Variants in CTNNBIP1 observed in about 807,000 individuals in gnomAD.
The protein encoded by CTNNBIP1 is beta-catenin-interacting protein 1.
CTNNBIP1 carries 7 observed loss-of-function variants against 11.8 expected under a neutral mutation model. The observed-to-expected ratio is 0.60, with a 90% CI of 0.34 to 1.12. The LOEUF (loss-of-function observed/expected upper bound fraction) is 1.12. Ranked by LOEUF, CTNNBIP1 falls within the 50% of genes most tolerant of loss-of-function variation. CTNNBIP1 has a pLI of 0.03. For missense variants in CTNNBIP1, 101 were observed against 113.4 expected (o/e 0.89, Z 0.50); for synonymous variants, 58 against 43.9 (o/e 1.32, Z -1.26).
chr1:9,892,514 G>T (rs1388106597), intron 1 of CTNNBIP1, among the ~76,000 whole-genome samples: 1 of 151,062 alleles, frequency 6.6e-6, no homozygotes, highest in African/African-American at 2.4e-5. Flanking sequence ...GATCCCAAGA[G>T]CCCAGGAGTC....
intron 5 of CTNNBIP1, among the ~76,000 whole-genome samples, chr1:9,854,350 A>G (rs973960873): frequency 1.3e-5 from 2 of 149,798 alleles, no homozygotes; most frequent in East Asian, 3.9e-4. Flanking sequence ...CCTGGGCAAC[A>G]AGAGTGAAAC....
At chr1:9,901,373 T>C (rs1280965755) in intron 1 of CTNNBIP1, among the ~76,000 whole-genome samples, 2 of 152,116 alleles carry the variant, frequency 1.3e-5, no homozygotes, top group Admixed American at 6.5e-5. Context: ...TGCTTGGTGA[T>C]TGATCAGGAA....
Position 9,849,308 on chromosome 1 carries a change from G to C in CTNNBIP1, c.*1410C>G, listed in dbSNP as rs894934688. 2.0e-5 allele frequency: 3 copies of C among 152,342 alleles called. No homozygotes were observed. Among genetic ancestry groups the C allele is most frequent in the Non-Finnish European group, 4.4e-5 (3 of 68,106 alleles). 9.4% of individuals were successfully genotyped at this position (152,342 alleles called of 1,614,324 possible). On this transcript the variant is annotated 3_prime_UTR_variant, in exon 6 of 6. Coordinates refer to ENST00000377263, the MANE Select transcript of CTNNBIP1 (RefSeq NM_020248.3). ...GGGCCAGTCTGAAGGGACTTGCTTG[G>C]TGAAGGCCCAGCCAGCTGTCCCAGT... is the stretch of plus-strand genomic sequence containing the variant.
intron 1 of CTNNBIP1, among the ~76,000 whole-genome samples, chr1:9,899,180 G>C (rs1299589239): frequency 6.6e-6 from 1 of 152,310 alleles, no homozygotes; most frequent in African/African-American, 2.4e-5. Context: ...ATGAGGCCGG[G>C]CACGGTGGCT....
At chr1:9,856,019 A>T (rs1489321094) in intron 5 of CTNNBIP1, among the ~76,000 whole-genome samples, 1 of 152,080 alleles carries the variant, frequency 6.6e-6, no homozygotes, top group Non-Finnish European at 1.5e-5. Context: ...GTGGTGGCAC[A>T]TGCCTGTAGT....
chr1:9,865,393 G>T (rs1557749186), intron 5 of CTNNBIP1, among the ~76,000 whole-genome samples: 1 of 152,170 alleles, frequency 6.6e-6, no homozygotes, highest in Non-Finnish European at 1.5e-5. Flanking sequence ...GAGGTCAGGA[G>T]ATTGAGACCA....
At chr1:9,886,656 C>T (rs1639192601) in intron 1 of CTNNBIP1, among the ~76,000 whole-genome samples, 1 of 152,198 alleles carries the variant, frequency 6.6e-6, no homozygotes, top group African/African-American at 2.4e-5. Flanking sequence ...GGATGGAACC[C>T]AGATTGTTCA....
intron 1 of CTNNBIP1, among the ~76,000 whole-genome samples, chr1:9,902,696 T>C (rs1639544881): frequency 6.6e-6 from 1 of 152,190 alleles, no homozygotes; most frequent in Admixed American, 6.5e-5. Context: ...CTTTCTTCAT[T>C]CACACGATCC....
At chr1:9,861,132 GT>G (rs1010475812) in intron 5 of CTNNBIP1, among the ~76,000 whole-genome samples, 13 of 152,188 alleles carry the variant, frequency 8.5e-5, no homozygotes, top group African/African-American at 3.1e-4. Context: ...TGACCATATG[GT>G]TTTTGGTTGT....
chr1:9,850,573 G>A lies in CTNNBIP1; in HGVS notation c.*145C>T, dbSNP rs897832066. ...CCCTTGATGCCAGCCCCACTGAGTA[G>A]CTGTGAGGTGGGGTGGGGCAGGGCA... On this transcript the variant is annotated 3_prime_UTR_variant, in exon 6 of 6. Coordinates refer to ENST00000377263, the MANE Select transcript of CTNNBIP1 (RefSeq NM_020248.3). 1.4e-6 allele frequency: 1 copy of A among 700,422 alleles called. No individual in the cohort carries two copies. 43.4% of individuals were successfully genotyped at this position (700,422 alleles called of 1,614,324 possible). A position where few individuals can be genotyped will look rare whatever the true frequency, so the allele number is the denominator to read the frequency against.
intron 1 of CTNNBIP1, among the ~76,000 whole-genome samples, chr1:9,885,304 G>A (rs542766714): frequency 2.0e-5 from 3 of 152,198 alleles, no homozygotes; most frequent in Non-Finnish European, 4.4e-5. Flanking sequence ...CAATTTTGGG[G>A]GACAATCACG....
chr1:9,905,942 AAG>A (rs1332797944), intron 1 of CTNNBIP1, among the ~76,000 whole-genome samples: 2 of 152,218 alleles, frequency 1.3e-5, no homozygotes, highest in African/African-American at 4.8e-5. Flanking sequence ...ACTATATTAT[AAG>A]AGTAGACAAA....
intron 3 of CTNNBIP1, among the ~76,000 whole-genome samples, chr1:9,876,034 CAG>C (rs149559387): frequency 1.3e-5 from 2 of 152,342 alleles, no homozygotes; most frequent in East Asian, 3.9e-4. Context: ...TGACAAGCAT[CAG>C]ATTCATTTCA....
chr1:9,889,034 G>C lies in CTNNBIP1; in HGVS notation c.-143-5296C>G, dbSNP rs80195536. 7.9e-5 allele frequency among the ~76,000 whole-genome samples: 12 copies of C among 152,294 alleles called. No individual in the cohort carries two copies. The East Asian group carries it at 2.3e-3, about 29-fold the overall frequency. ...GGGAGGGAGGCGCCTGGAACCACTG[G>C]GGCATCCTCCTTTCTATGAAGGGGC... On this transcript the variant is annotated intron_variant, in intron 1 of 5. Transcript: ENST00000377263.
At chr1:9,852,385 G>A (rs1194786804) in intron 5 of CTNNBIP1, among the ~76,000 whole-genome samples, 1 of 152,138 alleles carries the variant, frequency 6.6e-6, no homozygotes, top group Non-Finnish European at 1.5e-5. Context: ...CGCCTTCATG[G>A]GGTTCTGGCT....
At chr1:9,866,326 G>T (rs906105393) in intron 5 of CTNNBIP1, among the ~76,000 whole-genome samples, 2 of 152,184 alleles carry the variant, frequency 1.3e-5, no homozygotes, top group Admixed American at 1.3e-4. Context: ...TACAGTGTGA[G>T]GTCAGGTCTT....
intron 2 of CTNNBIP1, among the ~76,000 whole-genome samples, chr1:9,878,590 C>T (rs981314717): frequency 4.6e-5 from 7 of 152,250 alleles, no homozygotes; most frequent in African/African-American, 1.2e-4. Flanking sequence ...GCCCCCAATA[C>T]ACCTCTGGCA....
intron 3 of CTNNBIP1, among the ~76,000 whole-genome samples, chr1:9,875,475 C>T (rs1638948318): frequency 6.6e-6 from 1 of 152,220 alleles, no homozygotes; most frequent in Non-Finnish European, 1.5e-5. Flanking sequence ...ATAGGTGCCG[C>T]CCCGTCTTCC....
chr1:9,864,550 A>G (rs138192549), intron 5 of CTNNBIP1, among the ~76,000 whole-genome samples: 1,906 of 152,196 alleles, frequency 0.013, 15 homozygotes, highest in Non-Finnish European at 0.017. Context: ...GGATGGTCTC[A>G]ATCTCCTGAC....
Sources: allele counts gnomAD v4.1 joint callset (sites outside exome capture counted in the v4.1 genomes callset), GRCh38; gene constraint gnomAD v4.1.1; transcripts MANE v1.5; gene names NCBI Gene and HGNC (gene_info 2026-07-23, HGNC 2026-07-21).